ROCK1: variants seen among roughly 807,000 people sequenced by gnomAD.
The protein encoded by ROCK1 is rho-associated protein kinase 1.
A neutral mutation model predicts 196.8 loss-of-function variants in ROCK1; 36 were observed. The observed-to-expected ratio is 0.18, with a 90% confidence interval of 0.14 to 0.24. ROCK1 has a LOEUF of 0.24. Among genes scored for constraint, ROCK1 ranks in the 10% least tolerant of loss-of-function variants. The probability of loss-of-function intolerance (pLI) is 1.00; values close to 1 mark genes in which losing one functional copy is unlikely to be tolerated. For synonymous variants in ROCK1, 443 were observed against 515.9 expected (o/e 0.86, Z 1.91); for missense variants, 920 against 1,562.0 (o/e 0.59, Z 6.93).
intron 1 of ROCK1, among the ~76,000 whole-genome samples, chr18:21,081,772 T>C (rs1249464551): frequency 1.3e-5 from 2 of 151,988 alleles, no homozygotes. Context: ...ATGGACAAAT[T>C]CCTAGAAGCA....
intron 3 of ROCK1, 105 bp from the exon 4 acceptor site, chr18:21,049,334 A>G: frequency 1.2e-6 from 1 of 857,768 alleles, no homozygotes; most frequent in Non-Finnish European, 1.7e-6. Context: ...TAAATAATTT[A>G]GCCTTACTGT....
chr18:21,066,847 T>G (rs2036338948), intron 2 of ROCK1, among the ~76,000 whole-genome samples: 1 of 152,252 alleles, frequency 6.6e-6, no homozygotes, highest in African/African-American at 2.4e-5. Flanking sequence ...GGCACTTGAG[T>G]TGCTTCCAGT....
rs551125578 is a variant in ROCK1 at position 21,111,415 on chromosome 18, G to A, written c.-505C>T. 188 of 364,450 alleles carry A rather than the reference G, an allele frequency of 5.2e-4. 7 individuals carry two copies. The South Asian group carries it at 0.016, about 32-fold the overall frequency. 22.6% of individuals were successfully genotyped at this position (364,450 alleles called of 1,614,324 possible). On this transcript the variant is annotated 5_prime_UTR_variant, in exon 1 of 33. Coordinates refer to ENST00000399799, the MANE Select transcript of ROCK1 (RefSeq NM_005406.3). The surrounding 1 kb of genome is among the most constrained non-coding windows in gnomAD (Gnocchi z 4.2). ...CCACGGGCCGGGCCCGCTCCGCTCAGAGGCGCTGTAGACGGTCTAGCCCCG... is the reference window on the plus strand; with the variant it reads ...CCACGGGCCGGGCCCGCTCCGCTCAAAGGCGCTGTAGACGGTCTAGCCCCG...
chr18:20,969,750 T>G (rs1221544296), intron 23 of ROCK1, among the ~76,000 whole-genome samples: 7 of 152,162 alleles, frequency 4.6e-5, no homozygotes, highest in African/African-American at 1.7e-4. Flanking sequence ...AATCTGAGGC[T>G]TAGAGAAGTT....
intron 2 of ROCK1, among the ~76,000 whole-genome samples, chr18:21,053,886 A>T (rs2036225377): frequency 6.6e-6 from 1 of 152,206 alleles, no homozygotes; most frequent in Non-Finnish European, 1.5e-5. Context: ...GCTTTGACAC[A>T]TGCGTATGTA....
chr18:20,985,738 A>C (rs578139651), intron 19 of ROCK1, among the ~76,000 whole-genome samples: 1 of 152,308 alleles, frequency 6.6e-6, no homozygotes, highest in Admixed American at 6.5e-5. Flanking sequence ...TTGAACATAC[A>C]TTCCTCCTGC....
chr18:21,039,351 T>C (rs1598539041), intron 9 of ROCK1, 121 bp downstream of exon 9: 4 of 683,312 alleles, frequency 5.9e-6, no homozygotes, highest in East Asian at 2.7e-5. Flanking sequence ...AATTCCCATA[T>C]AGTATTTGTG....
At chr18:20,967,969 T>G (rs1285098006) in intron 25 of ROCK1, 29 bp from the exon 26 acceptor site, 2 of 1,411,396 alleles carry the variant, frequency 1.4e-6, no homozygotes, top group Admixed American at 5.1e-5. Context: ...TAAAGATCAA[T>G]AGTGTAGTCA....
rs143528562 is a variant in ROCK1, at chr18:21,006,899, C to T, written c.1547-109G>A. ...AGTCTTAGGCCATAATAGTCAGCTA[C>T]ATTAGGTCCACTCCCAAAGCCAAAT... On this transcript the variant is annotated intron_variant, in intron 14 of 32. Coordinates refer to ENST00000399799, the MANE Select transcript of ROCK1 (RefSeq NM_005406.3). 146 of 713,660 alleles carry T rather than the reference C, an allele frequency of 2.0e-4. 1 individual carries two copies. In the East Asian group the frequency reaches 3.6e-3, roughly 17 times the overall value. 44.2% of individuals were successfully genotyped at this position (713,660 alleles called of 1,614,324 possible). A position where few individuals can be genotyped will look rare whatever the true frequency, so the allele number is the denominator to read the frequency against.
At chr18:20,958,756 A>C (rs2035271343) in intron 29 of ROCK1, among the ~76,000 whole-genome samples, 1 of 149,282 alleles carries the variant, frequency 6.7e-6, no homozygotes, top group Non-Finnish European at 1.5e-5. Flanking sequence ...TGTATGCTTT[A>C]AAATCATCTC....
intron 27 of ROCK1, among the ~76,000 whole-genome samples, chr18:20,963,557 T>A (rs2035346432): frequency 6.6e-6 from 1 of 152,088 alleles, no homozygotes; most frequent in African/African-American, 2.4e-5. Context: ...TTAAGTTACA[T>A]AACCTAAGGT....
intron 2 of ROCK1, among the ~76,000 whole-genome samples, chr18:21,069,719 AG>A (rs1418401122): frequency 6.6e-6 from 1 of 152,114 alleles, no homozygotes; most frequent in Non-Finnish European, 1.5e-5. Context: ...GTTGTCAGGT[AG>A]GGAGGTAAGC....
chr18:20,958,774 C>T (rs1245034090), intron 29 of ROCK1, among the ~76,000 whole-genome samples: 638 of 104,358 alleles, frequency 6.1e-3, no homozygotes, highest in East Asian at 0.02. Flanking sequence ...CTCTGTATTA[C>T]TCATAAGACA....
In ROCK1 at chr18:20,947,738, T is replaced by C. The variant is rs111489747; in HGVS notation, c.*3646A>G. ...AACCATTTCCGTTTATTCATGTCTT[T>C]TTAAACTTCTCCAAATGTCTTACAA... On this transcript the variant is annotated 3_prime_UTR_variant, in exon 33 of 33. Transcript: ENST00000399799. 2.0e-5 allele frequency: 3 copies of C among 152,206 alleles called. No homozygotes were observed. The highest frequency in any genetic ancestry group is 7.2e-5 in the African/African-American group (3 of 41,444). The allele number at this position is 152,206 out of a possible 1,614,324, so 9.4% of individuals were successfully genotyped here. A position where few individuals can be genotyped will look rare whatever the true frequency, so the allele number is the denominator to read the frequency against.
chr18:20,983,281 T>G (rs528781365), intron 20 of ROCK1, among the ~76,000 whole-genome samples: 1 of 146,830 alleles, frequency 6.8e-6, no homozygotes, highest in Non-Finnish European at 1.5e-5. Flanking sequence ...AATTCAGTAC[T>G]GCATACTAGA....
At chr18:21,034,288 G>A (rs1357675450) in intron 9 of ROCK1, among the ~76,000 whole-genome samples, 6 of 151,964 alleles carry the variant, frequency 3.9e-5, no homozygotes, top group South Asian at 2.1e-4. Context: ...TGGCAAAGAC[G>A]TAAAAACCCA....
chr18:21,013,139 A>G (rs2035832864), intron 13 of ROCK1, among the ~76,000 whole-genome samples: 1 of 152,192 alleles, frequency 6.6e-6, no homozygotes, highest in Non-Finnish European at 1.5e-5. Flanking sequence ...AATTCCAGTT[A>G]AAATTTTCCT....
chr18:20,955,427 A>G (rs1352797302), intron 29 of ROCK1, 182 bp from the exon 30 acceptor site: 1 of 796,972 alleles, frequency 1.3e-6, no homozygotes, highest in East Asian at 3.0e-5. Context: ...AGTTAAAAAA[A>G]ATAAAAACAG....
chr18:21,069,975 C>T (rs1297171471), intron 2 of ROCK1, among the ~76,000 whole-genome samples: 4 of 151,596 alleles, frequency 2.6e-5, no homozygotes, highest in African/African-American at 4.8e-5. Context: ...AAAAACAAAA[C>T]CTTTGTAATA....
Sources: gnomAD v4.1 joint callset for allele counts (sites outside exome capture counted in the v4.1 genomes callset) on GRCh38, gnomAD v4.1.1 for gene constraint, Gnocchi (gnomAD v3.1) non-coding constraint, MANE v1.5 for transcripts, NCBI Gene and HGNC (gene_info 2026-07-23, HGNC 2026-07-21) for gene names.